Variants in FIGN observed in about 807,000 individuals in gnomAD.
FIGN encodes fidgetin, microtubule severing factor.
In FIGN, 11 loss-of-function variants were observed where a neutral mutation model predicts 51.3. The observed-to-expected ratio is 0.21, with a 90% CI of 0.13 to 0.35. FIGN has a LOEUF of 0.35. FIGN is among the 10% of genes least tolerant of loss of function. The pLI is 1.00. For synonymous variants in FIGN, 407 were observed against 363.2 expected, an observed-to-expected ratio of 1.12 and a Z score of -1.37; for missense variants, 857 against 943.6, an observed-to-expected ratio of 0.91 and a Z score of 1.20.
chr2:163,680,868 T>A (rs1362199002), intron 2 of FIGN, among the ~76,000 whole-genome samples: 2 of 151,982 alleles, frequency 1.3e-5, no homozygotes, highest in African/African-American at 2.4e-5. Flanking sequence ...AAAAAAAAAA[T>A]GCCTTATTAG....
rs377341499 is a variant in FIGN, at chr2:163,697,218, A to G, written c.25+37685T>C. Among the ~76,000 whole-genome samples the G allele has an allele frequency of 2.6e-3, 380 of 145,334 alleles. 3 individuals are homozygous for G. The highest frequency in any genetic ancestry group is 9.2e-3 in the African/African-American group (353 of 38,524). The stretch of plus-strand genomic sequence containing the variant: ...CGGGTTCAAGCGATTCACCTGCCCC[A>G]GCCTCCCGAGTAGCTGGGATTACAA... On this transcript the variant is annotated intron_variant, in intron 2 of 2. Transcript: ENST00000333129.
chr2:163,717,762 T>C (rs912156090), intron 2 of FIGN, among the ~76,000 whole-genome samples: 1 of 152,142 alleles, frequency 6.6e-6, no homozygotes, highest in African/African-American at 2.4e-5. Context: ...TTCAAGGCCG[T>C]GTTAATCGGG....
At chr2:163,724,523 T>G (rs1199748242) in intron 2 of FIGN, among the ~76,000 whole-genome samples, 1 of 151,994 alleles carries the variant, frequency 6.6e-6, no homozygotes, top group Non-Finnish European at 1.5e-5. Flanking sequence ...ATTTATTTAT[T>G]TATTTTGCTT....
At chr2:163,699,794 TA>T in intron 2 of FIGN, among the ~76,000 whole-genome samples, 1 of 152,272 alleles carries the variant, frequency 6.6e-6, no homozygotes, top group South Asian at 2.1e-4. Flanking sequence ...GTAAATCAGA[TA>T]ATTTTAGTAT....
intron 2 of FIGN, among the ~76,000 whole-genome samples, chr2:163,662,899 T>C (rs1400265783): frequency 6.6e-6 from 1 of 152,182 alleles, no homozygotes; most frequent in African/African-American, 2.4e-5. Context: ...TCTTCCTCAT[T>C]TTTCTCTTGC....
chr2:163,733,942 CAAAAA>C (rs36027114), intron 2 of FIGN, among the ~76,000 whole-genome samples: 3 of 100,156 alleles, frequency 3.0e-5, no homozygotes, highest in African/African-American at 1.1e-4. Context: ...TAGCAACAAC[CAAAAA>C]AAAAAAAAAA....
chr2:163,725,641 T>C (rs994043200), intron 2 of FIGN, among the ~76,000 whole-genome samples: 4 of 152,032 alleles, frequency 2.6e-5, no homozygotes, highest in Admixed American at 6.6e-5. Flanking sequence ...TTACTAGATA[T>C]CTTTAAAAAT....
At chr2:163,632,143 C>T (rs191893170) in intron 2 of FIGN, among the ~76,000 whole-genome samples, 6 of 152,076 alleles carry the variant, frequency 3.9e-5, no homozygotes, top group Non-Finnish European at 2.9e-5. Context: ...AGCGAAACTC[C>T]ATCTCAAAAA....
At chr2:163,649,573 A>G (rs1009938614) in intron 2 of FIGN, among the ~76,000 whole-genome samples, 8 of 152,112 alleles carry the variant, frequency 5.3e-5, no homozygotes, top group Non-Finnish European at 7.4e-5. Flanking sequence ...CATTTGAGGG[A>G]CCACACTGGA....
At chr2:163,734,557 C>CAAAA (rs34286375) in intron 2 of FIGN, among the ~76,000 whole-genome samples, 4,593 of 101,862 alleles carry the variant, frequency 0.045, 215 homozygotes, top group East Asian at 0.06. Context: ...CTCCCTCCTT[C>CAAAA]AAAAAAAAAA....
rs1691195920 is a variant in FIGN at position 163,609,879 on chromosome 2, T to C, written c.1953A>G (p.Pro651=). Residue 651 remains proline, a synonymous_variant, in exon 3 of 3, where the codon CCA becomes CCG. Transcript: ENST00000333129. ...GGTGCCTCGCTGTGCTGTCAGGAAGTGGGATTAAAAGTCGTTTCATGAAGT... is the reference window on the plus strand; with the variant it reads ...GGTGCCTCGCTGTGCTGTCAGGAAGCGGGATTAAAAGTCGTTTCATGAAGT... The part of the protein sequence containing the change: ...RRYFMKRLLI[P]LPDSTARHQI... The C allele has an allele frequency of 6.2e-7, 1 of 1,614,094 alleles. No homozygotes were observed.
intron 2 of FIGN, among the ~76,000 whole-genome samples, chr2:163,650,058 A>C (rs1683447115): frequency 6.6e-6 from 1 of 152,192 alleles, no homozygotes; most frequent in South Asian, 2.1e-4. Flanking sequence ...AGAGGGCAGA[A>C]GGGAAGGAGA....
intron 2 of FIGN, chr2:163,612,317 C>T (rs2231895): frequency 1.0e-6 from 1 of 985,372 alleles, no homozygotes; most frequent in South Asian, 4.7e-5. Context: ...TGACAGATCA[C>T]ATCTAGGATA....
At chr2:163,615,375 A>C (rs1028309349) in intron 2 of FIGN, among the ~76,000 whole-genome samples, 5 of 152,192 alleles carry the variant, frequency 3.3e-5, no homozygotes, top group South Asian at 4.1e-4. Flanking sequence ...ATCAGTGTTC[A>C]GGAGATTGTC....
intron 2 of FIGN, among the ~76,000 whole-genome samples, chr2:163,728,200 C>T (rs1684868848): frequency 6.6e-6 from 1 of 151,936 alleles, no homozygotes; most frequent in Non-Finnish European, 1.5e-5. Context: ...AATGAGCATA[C>T]TTTCGTTTTT....
chr2:163,704,561 A>G (rs930710748), intron 2 of FIGN, among the ~76,000 whole-genome samples: 2 of 150,718 alleles, frequency 1.3e-5, no homozygotes, highest in Non-Finnish European at 1.5e-5. Flanking sequence ...CAAAATACTT[A>G]GTATCTTTTT....
rs905976234 is a variant in FIGN at position 163,650,952 on chromosome 2, A to C, written c.26-39146T>G. On this transcript the variant is annotated intron_variant, in intron 2 of 2. Coordinates refer to ENST00000333129, the MANE Select transcript of FIGN (RefSeq NM_018086.4). Reference sequence around the variant, plus strand: ...CTGCAATATTGTGACTTTGTATAGGAGCTAAAGAAATAGTTTCTGTGTTGA... The same window carrying C: ...CTGCAATATTGTGACTTTGTATAGGCGCTAAAGAAATAGTTTCTGTGTTGA... Among the ~76,000 whole-genome samples the C allele has an allele frequency of 1.2e-4, 18 of 152,222 alleles. No homozygotes were observed. In the East Asian group the frequency reaches 3.3e-3, roughly 28 times the overall value.
chr2:163,650,691 C>T (rs1401535841), intron 2 of FIGN, among the ~76,000 whole-genome samples: 5 of 152,098 alleles, frequency 3.3e-5, no homozygotes, highest in Admixed American at 3.3e-4. Flanking sequence ...TTCTCCCTTG[C>T]TGTTAGGCTG....
chr2:163,625,954 A>G (rs1051091146), intron 2 of FIGN, among the ~76,000 whole-genome samples: 2 of 152,154 alleles, frequency 1.3e-5, no homozygotes, highest in Non-Finnish European at 1.5e-5. Flanking sequence ...AAGAATTTAT[A>G]CCCATTCATG....
Sources: gnomAD v4.1 joint callset for allele counts (sites outside exome capture counted in the v4.1 genomes callset) on GRCh38, gnomAD v4.1.1 for gene constraint, MANE v1.5 for transcripts, NCBI Gene and HGNC (gene_info 2026-07-23, HGNC 2026-07-21) for gene names.